FRMPD4: variants seen among roughly 807,000 people sequenced by gnomAD.
The protein encoded by FRMPD4 is FERM and PDZ domain containing 4.
FRMPD4 carries 22 observed loss-of-function variants against 94.1 expected under a neutral mutation model. That is an observed-to-expected ratio of 0.23 (90% CI 0.17 to 0.33). The LOEUF (loss-of-function observed/expected upper bound fraction) is 0.33, where lower values mean the gene tolerates loss of function less well. Among genes scored for constraint, FRMPD4 ranks in the 10% least tolerant of loss-of-function variants. The pLI, the probability that FRMPD4 is intolerant of heterozygous loss-of-function variation, is 1.00. For synonymous variants in FRMPD4, 631 were observed against 548.6 expected (o/e 1.15, Z -2.10); for missense variants, 1,111 against 1,339.9 (o/e 0.83, Z 2.67).
At chrX:12,702,427 G>A (rs1293130460) in intron 10 of FRMPD4, among the ~76,000 whole-genome samples, 1 of 111,772 alleles carries the variant, frequency 8.9e-6, no homozygotes. Flanking sequence ...GGGGATATAG[G>A]ATTCAAACCC....
intron 3 of FRMPD4, among the ~76,000 whole-genome samples, chrX:12,037,070 T>C (rs2054724363): frequency 8.9e-6 from 1 of 111,919 alleles, no homozygotes; most frequent in Non-Finnish European, 1.9e-5. Flanking sequence ...CTAGTACCTT[T>C]GCCGGGTACT....
At chrX:12,673,413 G>A (rs1385555618) in intron 4 of FRMPD4, among the ~76,000 whole-genome samples, 7 of 111,624 alleles carry the variant, frequency 6.3e-5, no homozygotes, top group Non-Finnish European at 1.3e-4. Flanking sequence ...TCACCCCCAT[G>A]CATTCTGCTG....
chrX:12,556,400 A>C (rs1781227355), intron 2 of FRMPD4, among the ~76,000 whole-genome samples: 1 of 111,084 alleles, frequency 9.0e-6, no homozygotes, highest in African/African-American at 3.3e-5. Flanking sequence ...AAAGAAACAA[A>C]AAGTAATGTT....
At chrX:11,926,322 T>G (rs1400772334) in intron 3 of FRMPD4, among the ~76,000 whole-genome samples, 15 of 100,721 alleles carry the variant, frequency 1.5e-4, no homozygotes, top group African/African-American at 5.7e-4. Context: ...TTCTACCAGA[T>G]GTACAAAGAC....
At chrX:12,332,023 AT>A (rs1249514744) in intron 1 of FRMPD4, among the ~76,000 whole-genome samples, 8 of 67,256 alleles carry the variant, frequency 1.2e-4, no homozygotes, top group Admixed American at 2.4e-4. Flanking sequence ...CTATATATAA[AT>A]TATATATATT....
intron 1 of FRMPD4, among the ~76,000 whole-genome samples, chrX:12,249,860 C>G (rs757066328): frequency 1.8e-5 from 2 of 111,434 alleles, no homozygotes; most frequent in South Asian, 7.6e-4. Context: ...AAATCCCAAC[C>G]TAGTCTGGTT....
intron 1 of FRMPD4, among the ~76,000 whole-genome samples, chrX:12,220,478 T>C (rs2056853375): frequency 8.9e-6 from 1 of 111,812 alleles, no homozygotes; most frequent in African/African-American, 3.3e-5. Context: ...CCCTTCCCAG[T>C]ATTTACCCAT....
intron 4 of FRMPD4, among the ~76,000 whole-genome samples, chrX:12,655,297 C>T (rs1247831896): frequency 8.9e-6 from 1 of 111,927 alleles, no homozygotes; most frequent in African/African-American, 3.2e-5. Flanking sequence ...ACTGCTGTGA[C>T]GATTGTTCAG....
At chrX:12,369,584 A>G (rs1273151280) in intron 1 of FRMPD4, among the ~76,000 whole-genome samples, 1 of 112,622 alleles carries the variant, frequency 8.9e-6, no homozygotes, top group East Asian at 2.8e-4. Context: ...GGTGGCCAAT[A>G]ACCATGCCTG....
intron 1 of FRMPD4, among the ~76,000 whole-genome samples, chrX:12,284,263 G>A (rs1359538123): frequency 1.8e-5 from 2 of 111,369 alleles, no homozygotes; most frequent in African/African-American, 6.5e-5. Context: ...TGTTTGTTTC[G>A]TAAAAGCATT....
At chrX:12,065,211 T>TTAAC (rs1438614588) in intron 3 of FRMPD4, among the ~76,000 whole-genome samples, 3 of 112,080 alleles carry the variant, frequency 2.7e-5, no homozygotes, top group African/African-American at 9.7e-5. Context: ...TAAACAGATT[T>TTAAC]CTGTATGAGC....
chrX:11,990,069 A>G (rs1432379137), intron 3 of FRMPD4, among the ~76,000 whole-genome samples: 1 of 112,493 alleles, frequency 8.9e-6, no homozygotes, highest in Non-Finnish European at 1.9e-5. Context: ...ATGTCCATCA[A>G]TGGATAAATA....
At chrX:12,717,209 C>T in intron 15 of FRMPD4, 76 bp downstream of exon 15, 1 of 649,218 alleles carries the variant, frequency 1.5e-6, no homozygotes, top group Non-Finnish European at 2.3e-6. Context: ...CCCCTGGAGT[C>T]CTGTTACGTG....
At chrX:12,270,450 G>C (rs2054338858) in intron 1 of FRMPD4, among the ~76,000 whole-genome samples, 1 of 111,237 alleles carries the variant, frequency 9.0e-6, no homozygotes. Context: ...AGAAAATACA[G>C]AGCAGTCTTG....
At chrX:12,436,402 C>T (rs2057067790) in intron 1 of FRMPD4, among the ~76,000 whole-genome samples, 1 of 111,002 alleles carries the variant, frequency 9.0e-6, no homozygotes, top group South Asian at 3.9e-4. Context: ...TGGATATTAG[C>T]TTTATTGAGT....
At chrX:12,174,140 G>A (rs780683054) in intron 1 of FRMPD4, among the ~76,000 whole-genome samples, 1 of 112,044 alleles carries the variant, frequency 8.9e-6, no homozygotes, top group Non-Finnish European at 1.9e-5. Context: ...GGGCCATATG[G>A]TCTCTTTCAC....
chrX:11,928,482 A>G (rs1275614997), intron 3 of FRMPD4, among the ~76,000 whole-genome samples: 1 of 112,221 alleles, frequency 8.9e-6, no homozygotes, highest in Admixed American at 9.4e-5. Flanking sequence ...CGTGCCCATG[A>G]TTCAATTACC....
chrX:12,099,505 T>C (rs2055236357), intron 3 of FRMPD4, among the ~76,000 whole-genome samples: 1 of 112,213 alleles, frequency 8.9e-6, no homozygotes, highest in Non-Finnish European at 1.9e-5. Context: ...ACTACTGTTT[T>C]CCAGGAAATA....
At chrX:11,906,333 G>C (rs1301017138) in intron 3 of FRMPD4, among the ~76,000 whole-genome samples, 1 of 109,321 alleles carries the variant, frequency 9.1e-6, no homozygotes, top group African/African-American at 3.3e-5. Context: ...ATTTTTAGTA[G>C]AGACAGGGAT....
Sources: allele counts gnomAD v4.1 joint callset (sites outside exome capture counted in the v4.1 genomes callset), GRCh38; gene constraint gnomAD v4.1.1; transcripts MANE v1.5; gene names NCBI Gene and HGNC (gene_info 2026-07-23, HGNC 2026-07-21).